FZD3: variants seen among roughly 807,000 people sequenced by gnomAD.
FZD3 encodes the protein frizzled class receptor 3.
FZD3 carries 30 observed loss-of-function variants against 60.7 expected under a neutral mutation model. The ratio of observed to expected loss-of-function variants is 0.49; its 90% CI spans 0.37 to 0.67. FZD3 has a LOEUF of 0.67. Ranked by LOEUF, FZD3 falls within the 30% of genes least tolerant of loss-of-function variation. FZD3 has a pLI of 0.00. For missense variants in FZD3, 605 were observed against 838.7 expected (o/e 0.72, Z 3.44); for synonymous variants, 246 against 275.2 (o/e 0.89, Z 1.05).
intron 3 of FZD3, among the ~76,000 whole-genome samples, chr8:28,511,533 G>C (rs888568242): frequency 6.6e-6 from 1 of 152,104 alleles, no homozygotes; most frequent in African/African-American, 2.4e-5. Context: ...TTGCCTAGAG[G>C]ATCAAATCCA....
intron 7 of FZD3, among the ~76,000 whole-genome samples, chr8:28,559,937 T>G (rs902138117): frequency 5.3e-5 from 8 of 152,092 alleles, no homozygotes; most frequent in Non-Finnish European, 1.0e-4. Flanking sequence ...TAGGCTGAGG[T>G]GAATACACCT....
At chr8:28,534,517 C>T (rs1271996730) in intron 5 of FZD3, among the ~76,000 whole-genome samples, 1 of 152,164 alleles carries the variant, frequency 6.6e-6, no homozygotes, top group African/African-American at 2.4e-5. Context: ...TGCACCACTG[C>T]ACTCCAGCCT....
At chr8:28,526,666 T>G (rs1368300863) in intron 4 of FZD3, among the ~76,000 whole-genome samples, 2 of 152,214 alleles carry the variant, frequency 1.3e-5, no homozygotes, top group Non-Finnish European at 2.9e-5. Flanking sequence ...GAAAATGGTT[T>G]GTATTAGAAA....
chr8:28,509,774 AT>A (rs943654164), intron 3 of FZD3, among the ~76,000 whole-genome samples: 1 of 152,082 alleles, frequency 6.6e-6, no homozygotes, highest in Non-Finnish European at 1.5e-5. Flanking sequence ...GAATTTTCTT[AT>A]TTTTTTAAGG....
intron 5 of FZD3, among the ~76,000 whole-genome samples, chr8:28,546,677 A>G (rs1428529546): frequency 6.6e-6 from 1 of 152,098 alleles, no homozygotes; most frequent in Non-Finnish European, 1.5e-5. Context: ...TATTCTTAGA[A>G]GTTTTTAATG....
rs1803770744 is a variant in FZD3, at chr8:28,494,255, G to C, written c.-479G>C. 6.6e-6 allele frequency: 1 copy of C among 151,726 alleles called. No homozygotes were observed. Among genetic ancestry groups the C allele is most frequent in the African/African-American group, 2.4e-5 (1 of 41,374 alleles). 9.4% of individuals were successfully genotyped at this position (151,726 alleles called of 1,614,324 possible). A position where few individuals can be genotyped will look rare whatever the true frequency, so the allele number is the denominator to read the frequency against. On this transcript the variant is annotated 5_prime_UTR_variant, in exon 1 of 8. Coordinates refer to ENST00000240093, the MANE Select transcript of FZD3 (RefSeq NM_017412.4). ...TGGGAGGCGCGCGCCGGCGTTCCTC[G>C]GCCGCTCCGGGTACCTGAGGGACGC...
chr8:28,496,465 C>T (rs1401404492), intron 1 of FZD3, among the ~76,000 whole-genome samples: 1 of 151,600 alleles, frequency 6.6e-6, no homozygotes, highest in Non-Finnish European at 1.5e-5. Flanking sequence ...TTTTCCTATC[C>T]CCAGAACTCT....
At chr8:28,562,156 A>G (rs1262727858) in intron 7 of FZD3, among the ~76,000 whole-genome samples, 2 of 152,196 alleles carry the variant, frequency 1.3e-5, no homozygotes, top group Non-Finnish European at 1.5e-5. Flanking sequence ...TTCCAAGCAG[A>G]TGTAGCTTCC....
At chr8:28,511,726 ACT>A (rs1178501769) in intron 3 of FZD3, among the ~76,000 whole-genome samples, 7 of 150,780 alleles carry the variant, frequency 4.6e-5, no homozygotes, top group Non-Finnish European at 7.4e-5. Flanking sequence ...GAAGTTAGTG[ACT>A]CTCTTCTCCA....
chr8:28,520,484 C>G (rs1804548506), intron 3 of FZD3, among the ~76,000 whole-genome samples, 154 bp from the exon 4 acceptor site: 2 of 152,080 alleles, frequency 1.3e-5, no homozygotes, highest in African/African-American at 2.4e-5. Context: ...AGGGCTAGGA[C>G]AGTTTTGTTT....
rs1805715830 is a variant in FZD3 at position 28,566,971 on chromosome 8, A to C, written c.*3960A>C. ...TTATTATAATGCTCTGTAACCCATA[A>C]ATTATTCTACTTAAAAAAATTTTTT... On this transcript the variant is annotated 3_prime_UTR_variant, in exon 8 of 8. Coordinates refer to ENST00000240093, the MANE Select transcript of FZD3 (RefSeq NM_017412.4). 1 of 152,024 alleles carries C rather than the reference A, an allele frequency of 6.6e-6. No homozygotes were observed. The highest frequency in any genetic ancestry group is 1.5e-5 in the Non-Finnish European group (1 of 67,988). The allele number at this position is 152,024 out of a possible 1,614,324, so 9.4% of individuals were successfully genotyped here. A position where few individuals can be genotyped will look rare whatever the true frequency, so the allele number is the denominator to read the frequency against.
chr8:28,509,850 C>A (rs531340720), intron 3 of FZD3, among the ~76,000 whole-genome samples: 1 of 152,254 alleles, frequency 6.6e-6, no homozygotes, highest in Admixed American at 6.5e-5. Context: ...TCAGTGGACA[C>A]TTGGGTTGTT....
chr8:28,503,422 T>TAAAG (rs1804052417), intron 3 of FZD3, among the ~76,000 whole-genome samples: 1 of 152,192 alleles, frequency 6.6e-6, no homozygotes, highest in Non-Finnish European at 1.5e-5. Flanking sequence ...CATTATACTT[T>TAAAG]TATAAAGAAA....
At chr8:28,522,578 T>A (rs1045130843) in intron 4 of FZD3, among the ~76,000 whole-genome samples, 3 of 152,178 alleles carry the variant, frequency 2.0e-5, no homozygotes, top group South Asian at 2.1e-4. Flanking sequence ...GGAACTCTGT[T>A]TTATGCTTCT....
chr8:28,512,465 T>C (rs898551039), intron 3 of FZD3, among the ~76,000 whole-genome samples: 1 of 152,076 alleles, frequency 6.6e-6, no homozygotes, highest in Non-Finnish European at 1.5e-5. Context: ...CCTGAATTAG[T>C]AGTTTGTGTT....
chr8:28,523,785 G>A (rs1302602181), intron 4 of FZD3, among the ~76,000 whole-genome samples: 1 of 152,088 alleles, frequency 6.6e-6, no homozygotes, highest in African/African-American at 2.4e-5. Flanking sequence ...GTCCCCCAAA[G>A]TTCATGTATT....
Position 28,568,759 on chromosome 8 carries a change from C to T in FZD3, c.*5748C>T, listed in dbSNP as rs1805749389. 1 of 152,106 alleles carries T rather than the reference C, an allele frequency of 6.6e-6. No homozygotes were observed. The highest frequency in any genetic ancestry group is 2.1e-4 in the South Asian group (1 of 4,828). 9.4% of individuals were successfully genotyped at this position (152,106 alleles called of 1,614,324 possible). A position where few individuals can be genotyped will look rare whatever the true frequency, so the allele number is the denominator to read the frequency against. On this transcript the variant is annotated 3_prime_UTR_variant, in exon 8 of 8. Transcript: ENST00000240093. ...CACCAAACCACTGCATTACTTACTT[C>T]CTATAAGACACAGTAGTTCAATCTG...
chr8:28,533,820 G>A (rs906907761), intron 5 of FZD3, among the ~76,000 whole-genome samples: 1 of 152,000 alleles, frequency 6.6e-6, no homozygotes, highest in African/African-American at 2.4e-5. Flanking sequence ...ATAATTCAGA[G>A]ACTGTTCTGG....
Position 28,555,884 on chromosome 8 carries a change from T to C in FZD3, c.1700T>C (p.Met567Thr), listed in dbSNP as rs1417958474. 1.2e-6 allele frequency: 2 copies of C among 1,613,930 alleles called. No individual in the cohort carries two copies. The highest frequency in any genetic ancestry group is 1.7e-6 in the Non-Finnish European group (2 of 1,179,910). ...CATGCTTCTTCAACTCAGCTGGCTA[T>C]GGTGGATGATCAAAGAAGCAAAGCA... ...STHASSTQLA[M>T]VDDQRSKAGS... The change falls in exon 7 of 8, where the codon ATG becomes ACG. Residue 567 changes from methionine (M) to threonine (T), a missense_variant. Transcript: ENST00000240093.
Sources: allele counts gnomAD v4.1 joint callset (sites outside exome capture counted in the v4.1 genomes callset), GRCh38; gene constraint gnomAD v4.1.1; transcripts MANE v1.5; gene names NCBI Gene and HGNC (gene_info 2026-07-23, HGNC 2026-07-21).